Variants in TDRD5 observed in about 807,000 individuals in gnomAD.
TDRD5 encodes the protein tudor domain containing 5.
A neutral mutation model predicts 120.6 loss-of-function variants in TDRD5; 41 were observed. That is an observed-to-expected ratio of 0.34 (90% CI 0.26 to 0.44). TDRD5 has a LOEUF of 0.44. Among genes scored for constraint, TDRD5 ranks in the 20% least tolerant of loss-of-function variants. The pLI is 1.00. For missense variants in TDRD5, 1,006 were observed against 1,221.2 expected (o/e 0.82, Z 2.63); for synonymous variants, 430 against 433.7 (o/e 0.99, Z 0.11).
At chr1:179,688,439 T>C (rs1347441120) in intron 17 of TDRD5, among the ~76,000 whole-genome samples, 1 of 152,246 alleles carries the variant, frequency 6.6e-6, no homozygotes, top group African/African-American at 2.4e-5. Flanking sequence ...GCCTTCCCTT[T>C]GTGGGTAACC....
intron 14 of TDRD5, among the ~76,000 whole-genome samples, chr1:179,661,189 G>A (rs1679293431): frequency 6.6e-6 from 1 of 152,076 alleles, no homozygotes; most frequent in Admixed American, 6.5e-5. Flanking sequence ...TTGGGTTTTG[G>A]TGAACTTCTT....
rs142690719 is a variant in TDRD5 at position 179,630,249 on chromosome 1, G to A, written c.973-518G>A. On this transcript the variant is annotated intron_variant, in intron 6 of 17. Transcript: ENST00000444136. ...CCTGATGTCGTGATCCACCTGCCTC[G>A]GCCTCCCAAAGTGCTGGGATTACAG... 2.0e-3 allele frequency among the ~76,000 whole-genome samples: 308 copies of A among 152,126 alleles called. 2 individuals carry two copies. Among genetic ancestry groups the A allele is most frequent in the African/African-American group, 7.1e-3 (295 of 41,492 alleles).
intron 3 of TDRD5, among the ~76,000 whole-genome samples, chr1:179,595,400 C>A (rs1675335999): frequency 6.6e-6 from 1 of 151,996 alleles, no homozygotes; most frequent in Admixed American, 6.6e-5. Flanking sequence ...TTAGATAGCC[C>A]CAAGCTTTTG....
chr1:179,598,202 G>GA (rs1405714603), intron 4 of TDRD5, among the ~76,000 whole-genome samples: 1 of 152,146 alleles, frequency 6.6e-6, no homozygotes, highest in East Asian at 1.9e-4. Context: ...AAAAGGTACA[G>GA]AAAAAATACA....
At chr1:179,642,293 T>TTTCA (rs1400582852) in intron 11 of TDRD5, among the ~76,000 whole-genome samples, 2 of 151,950 alleles carry the variant, frequency 1.3e-5, no homozygotes, top group Non-Finnish European at 2.9e-5. Context: ...AGAGGTGGGG[T>TTTCA]TTCACCATGT....
chr1:179,688,230 A>G (rs1410353992), intron 17 of TDRD5, among the ~76,000 whole-genome samples: 3 of 151,928 alleles, frequency 2.0e-5, no homozygotes, highest in African/African-American at 4.8e-5. Context: ...GCTGTTGTAA[A>G]GCAGGCCTGG....
intron 11 of TDRD5, among the ~76,000 whole-genome samples, chr1:179,644,400 A>G (rs1318476052): frequency 6.6e-6 from 1 of 152,182 alleles, no homozygotes; most frequent in African/African-American, 2.4e-5. Flanking sequence ...TTAAGCTGTA[A>G]TAACTACAGG....
chr1:179,647,837 T>C (rs10913850), intron 11 of TDRD5, among the ~76,000 whole-genome samples: 33,518 of 117,380 alleles, frequency 0.29, 5,007 homozygotes, highest in East Asian at 0.35. Context: ...CCAAAAAACA[T>C]ATGAAAAAAT....
chr1:179,683,981 C>T (rs1296835561), intron 17 of TDRD5, among the ~76,000 whole-genome samples: 5 of 152,240 alleles, frequency 3.3e-5, no homozygotes, highest in Admixed American at 2.0e-4. Flanking sequence ...TTTCAAGCAT[C>T]GCATTTCCAG....
chr1:179,642,316 T>C (rs1572387480), intron 11 of TDRD5, among the ~76,000 whole-genome samples: 1 of 152,012 alleles, frequency 6.6e-6, no homozygotes, highest in African/African-American at 2.4e-5. Flanking sequence ...GCCAGGCTGG[T>C]CTCTATCTCT....
chr1:179,684,875 G>T (rs879372789), intron 17 of TDRD5, among the ~76,000 whole-genome samples: 1 of 152,150 alleles, frequency 6.6e-6, no homozygotes, highest in Non-Finnish European at 1.5e-5. Flanking sequence ...CATATGCTTT[G>T]CCCACTTTTT....
rs1019606665 is a variant in TDRD5 at position 179,691,092 on chromosome 1, T to TAAC, written c.*151_*153dup. 2 of 1,040,808 alleles carry TAAC rather than the reference T, an allele frequency of 1.9e-6. No homozygotes were observed. The highest frequency in any genetic ancestry group is 3.0e-5 in the Admixed American group (1 of 33,148). The allele number at this position is 1,040,808 out of a possible 1,614,324, so 64.5% of individuals were successfully genotyped here. The stretch of plus-strand genomic sequence containing the variant: ...TGACTATATGTTAGCTTTATTATGC[T>TAAC]AACAGTCTACTTTGATGTGTAAGTA... On this transcript the variant is annotated 3_prime_UTR_variant, in exon 18 of 18. Transcript: ENST00000444136.
intron 17 of TDRD5, among the ~76,000 whole-genome samples, chr1:179,688,673 C>T (rs1481429600): frequency 6.6e-6 from 1 of 152,232 alleles, no homozygotes; most frequent in Non-Finnish European, 1.5e-5. Context: ...CCATCACTTT[C>T]AGGTACACCA....
At chr1:179,662,002 C>T in intron 14 of TDRD5, 102 bp from the exon 15 acceptor site, 1 of 1,081,706 alleles carries the variant, frequency 9.2e-7, no homozygotes, top group Non-Finnish European at 1.2e-6. Context: ...TTCAAACTGT[C>T]ATCTTTACCT....
chr1:179,662,358 T>C, intron 15 of TDRD5, 72 bp downstream of exon 15: 1 of 1,507,130 alleles, frequency 6.6e-7, no homozygotes, highest in South Asian at 1.3e-5. Context: ...CCTAGCAGTT[T>C]GGGAGGCCAA....
intron 6 of TDRD5, among the ~76,000 whole-genome samples, chr1:179,621,479 A>G (rs1676840639): frequency 6.6e-6 from 1 of 152,114 alleles, no homozygotes; most frequent in African/African-American, 2.4e-5. Flanking sequence ...GGGATCCAGT[A>G]GTTCCACTTT....
intron 16 of TDRD5, among the ~76,000 whole-genome samples, chr1:179,667,775 C>CT (rs1401975371): frequency 6.6e-6 from 1 of 151,938 alleles, no homozygotes; most frequent in Non-Finnish European, 1.5e-5. Context: ...TTTAGAATTT[C>CT]TTTTTTGCAA....
chr1:179,631,851 A>ATTTT (rs745777571), intron 7 of TDRD5, among the ~76,000 whole-genome samples: 9,490 of 73,492 alleles, frequency 0.13, 776 homozygotes, highest in Non-Finnish European at 0.18. Flanking sequence ...AGGGCACTTG[A>ATTTT]TTTTTTTTTT....
At chr1:179,652,251 T>G in intron 13 of TDRD5, 54 bp downstream of exon 13, 1 of 1,482,700 alleles carries the variant, frequency 6.7e-7, no homozygotes, top group Non-Finnish European at 9.0e-7. Context: ...GTAATCCTCA[T>G]TTTTTTAGAT....
Sources: gnomAD v4.1 joint callset for allele counts (sites outside exome capture counted in the v4.1 genomes callset) on GRCh38, gnomAD v4.1.1 for gene constraint, MANE v1.5 for transcripts, NCBI Gene and HGNC (gene_info 2026-07-23, HGNC 2026-07-21) for gene names.